ZNF346: variants seen among roughly 807,000 people sequenced by gnomAD.
The protein encoded by ZNF346 is double-stranded RNA-binding zinc finger protein JAZ.
Under a neutral mutation model 33.7 loss-of-function variants are expected in ZNF346, and 23 were observed. The ratio of observed to expected loss-of-function variants is 0.68; its 90% CI spans 0.49 to 0.97. The LOEUF is 0.97. ZNF346 is among the 50% of genes least tolerant of loss of function. The probability of loss-of-function intolerance (pLI) is 0.00; values close to 1 mark genes in which losing one functional copy is unlikely to be tolerated. For missense variants in ZNF346, 340 were observed against 371.1 expected (o/e 0.92, Z 0.69); for synonymous variants, 134 against 142.4 (o/e 0.94, Z 0.42).
downstream of ZNF346, among the ~76,000 whole-genome samples, chr5:177,072,455 C>T (rs1442357665): frequency 6.6e-6 from 1 of 152,214 alleles, no homozygotes; most frequent in African/African-American, 2.4e-5. Context: ...GCCCTGCTCT[C>T]TGATTCCAGG....
intron 5 of ZNF346, among the ~76,000 whole-genome samples, chr5:177,053,178 T>C (rs1781188564): frequency 6.6e-6 from 1 of 151,272 alleles, no homozygotes; most frequent in Non-Finnish European, 1.5e-5. Flanking sequence ...TAGCTGGACG[T>C]GGTGACACAC....
intron 5 of ZNF346, among the ~76,000 whole-genome samples, chr5:177,057,404 A>G (rs191490313): frequency 6.6e-6 from 1 of 152,094 alleles, no homozygotes; most frequent in East Asian, 1.9e-4. Context: ...TCAATTAGAG[A>G]TGCAGGTGGC....
intron 1 of ZNF346, among the ~76,000 whole-genome samples, chr5:177,031,013 A>G (rs1203020416): frequency 1.4e-5 from 2 of 143,868 alleles, no homozygotes; most frequent in African/African-American, 5.2e-5. Flanking sequence ...CTCTGCCTGT[A>G]GAGTTCAAGC....
chr5:177,074,920 G>T (rs1177695142), intron 8 of ZNF346, among the ~76,000 whole-genome samples: 2 of 151,522 alleles, frequency 1.3e-5, no homozygotes, highest in Admixed American at 6.6e-5. Context: ...CAAAAATTTA[G>T]CCGGGCATGG....
downstream of ZNF346, among the ~76,000 whole-genome samples, chr5:177,069,409 C>T (rs566937597): frequency 1.3e-5 from 2 of 150,410 alleles, no homozygotes; most frequent in East Asian, 2.0e-4. Context: ...GCTGAGATCG[C>T]GCCACTGCAC....
chr5:177,026,965 A>G (rs993092023), intron 1 of ZNF346, among the ~76,000 whole-genome samples: 1 of 152,182 alleles, frequency 6.6e-6, no homozygotes, highest in Non-Finnish European at 1.5e-5. Context: ...TCTTAGCTCA[A>G]AAAGGGAGAA....
At chr5:177,038,501 G>T (rs1379777432) in intron 1 of ZNF346, among the ~76,000 whole-genome samples, 4 of 151,208 alleles carry the variant, frequency 2.6e-5, no homozygotes. Flanking sequence ...CTCTGTCATT[G>T]TCTTGCTTAT....
At chr5:177,055,331 G>A (rs889300769) in intron 5 of ZNF346, among the ~76,000 whole-genome samples, 2 of 151,880 alleles carry the variant, frequency 1.3e-5, no homozygotes, top group Non-Finnish European at 2.9e-5. Context: ...CACCACACTC[G>A]GCCCTAATAT....
At chr5:177,029,477 C>T (rs551979968) in intron 1 of ZNF346, among the ~76,000 whole-genome samples, 1 of 152,186 alleles carries the variant, frequency 6.6e-6, no homozygotes, top group East Asian at 1.9e-4. Context: ...TTTGAGAGGC[C>T]AAGGCAAGAA....
intron 5 of ZNF346, among the ~76,000 whole-genome samples, chr5:177,056,248 A>G (rs1240326360): frequency 5.3e-5 from 8 of 152,146 alleles, no homozygotes; most frequent in Admixed American, 1.3e-4. Context: ...AAATCTAAAA[A>G]GAATCTAAAA....
chr5:177,048,909 T>A lies in ZNF346; in HGVS notation c.518-1842T>A, dbSNP rs532699267. On this transcript the variant is annotated intron_variant, in intron 4 of 6. Transcript: ENST00000358149. ...AAGCAGTTCTCCTGCCTCAGCCTCC[T>A]GAGTAGCTGGGATTACAGGCATGCA... Among the ~76,000 whole-genome samples, 454 of 151,612 alleles carry A rather than the reference T, an allele frequency of 3.0e-3. 1 individual carries two copies. The highest frequency in any genetic ancestry group is 0.01 in the African/African-American group (432 of 41,264).
In ZNF346 at chr5:177,077,777, T is replaced by A. The variant is rs1783822436; in HGVS notation, c.*3-1605T>A. On this transcript the variant is annotated intron_variant, in intron 8 of 8. Transcript: ENST00000503039. This position sits in a 1 kb window ranked among gnomAD's most constrained non-coding sequence, Gnocchi z 5.0. ...GGGAGGACCACGACATCAAGAAAAG[T>A]TTGAGGGGTCGTTACCAGAGAGAGG... 6.6e-6 allele frequency among the ~76,000 whole-genome samples: 1 copy of A among 151,922 alleles called. No homozygotes were observed. Among genetic ancestry groups the A allele is most frequent in the South Asian group, 2.1e-4 (1 of 4,820 alleles).
downstream of ZNF346, among the ~76,000 whole-genome samples, chr5:177,072,578 G>A (rs941755574): frequency 4.6e-5 from 7 of 152,144 alleles, no homozygotes; most frequent in African/African-American, 1.2e-4. Flanking sequence ...GGCCGGGCTC[G>A]GTGGCTCACA....
intron 1 of ZNF346, among the ~76,000 whole-genome samples, chr5:177,034,456 G>C (rs557166129): frequency 3.3e-5 from 5 of 152,088 alleles, no homozygotes; most frequent in African/African-American, 1.2e-4. Flanking sequence ...TGAACTCCTG[G>C]GCTCAAGCGG....
chr5:177,059,209 G>A (rs1349414115), intron 5 of ZNF346, among the ~76,000 whole-genome samples: 1 of 152,204 alleles, frequency 6.6e-6, no homozygotes, highest in African/African-American at 2.4e-5. Flanking sequence ...GACAATAACT[G>A]TTGAACAACT....
chr5:177,023,258 A>C, intron 1 of ZNF346: 2 of 1,495,202 alleles, frequency 1.3e-6, no homozygotes, highest in Non-Finnish European at 1.8e-6. Context: ...AGTGCCCCTC[A>C]CCACTCCTTG....
intron 6 of ZNF346, among the ~76,000 whole-genome samples, chr5:177,062,444 G>C (rs1334362472): frequency 6.6e-6 from 1 of 152,182 alleles, no homozygotes; most frequent in Non-Finnish European, 1.5e-5. Flanking sequence ...CTCTGACTGG[G>C]GAAGTGCTTT....
At chr5:177,035,990 G>A (rs575237672) in intron 1 of ZNF346, among the ~76,000 whole-genome samples, 1 of 150,660 alleles carries the variant, frequency 6.6e-6, no homozygotes, top group African/African-American at 2.4e-5. Context: ...GTGGGCCTTA[G>A]CTTCCTCCAA....
intron 4 of ZNF346, among the ~76,000 whole-genome samples, chr5:177,047,667 A>C (rs966464735): frequency 6.6e-6 from 1 of 152,016 alleles, no homozygotes; most frequent in African/African-American, 2.4e-5. Flanking sequence ...CACCACGCCC[A>C]GTTAATTTTT....
Sources: allele counts gnomAD v4.1 joint callset (sites outside exome capture counted in the v4.1 genomes callset), GRCh38; gene constraint gnomAD v4.1.1; non-coding constraint Gnocchi (gnomAD v3.1); transcripts MANE v1.5; gene names NCBI Gene and HGNC (gene_info 2026-07-23, HGNC 2026-07-21).